MTUS2: variants seen among roughly 807,000 people sequenced by gnomAD.
The protein encoded by MTUS2 is microtubule associated scaffold protein 2, also known as microtubule-associated tumor suppressor candidate 2.
MTUS2 carries 40 observed loss-of-function variants against 114.1 expected under a neutral mutation model. The ratio of observed to expected loss-of-function variants is 0.35; its 90% CI spans 0.27 to 0.46. The LOEUF (loss-of-function observed/expected upper bound fraction) is 0.46. Among genes scored for constraint, MTUS2 ranks in the 20% least tolerant of loss-of-function variants. MTUS2 has a pLI of 1.00. For synonymous variants in MTUS2, 688 were observed against 672.0 expected (o/e 1.02, Z -0.37); for missense variants, 1,679 against 1,705.4 (o/e 0.98, Z 0.27).
intron 5 of MTUS2, among the ~76,000 whole-genome samples, chr13:29,254,259 C>T (rs1897223168): frequency 6.6e-6 from 1 of 152,166 alleles, no homozygotes; most frequent in Non-Finnish European, 1.5e-5. Context: ...TGTCCTGAGG[C>T]ACAGAGGATG....
intron 2 of MTUS2, among the ~76,000 whole-genome samples, chr13:28,956,588 A>T (rs565179920): frequency 6.6e-6 from 1 of 152,328 alleles, no homozygotes; most frequent in South Asian, 2.1e-4. Context: ...GCTACTGGGT[A>T]AAGACCATAC....
At chr13:29,419,536 C>T (rs1875926404) in intron 8 of MTUS2, among the ~76,000 whole-genome samples, 1 of 152,134 alleles carries the variant, frequency 6.6e-6, no homozygotes, top group African/African-American at 2.4e-5. Context: ...GAATCCATGT[C>T]CTCAGTTTCA....
At chr13:29,407,489 T>TATTTATTTA (rs1555274945) in intron 8 of MTUS2, among the ~76,000 whole-genome samples, 50 of 142,988 alleles carry the variant, frequency 3.5e-4, no homozygotes, top group Middle Eastern at 3.6e-3. Context: ...TTTATTTATT[T>TATTTATTTA]ATTTTGAGAT....
chr13:29,490,384 A>C (rs940539798), intron 11 of MTUS2, among the ~76,000 whole-genome samples: 7 of 152,222 alleles, frequency 4.6e-5, no homozygotes, highest in African/African-American at 1.7e-4. Flanking sequence ...CATATGATGC[A>C]GGCCGATTAA....
chr13:28,903,946 T>C (rs962885023), intron 2 of MTUS2, among the ~76,000 whole-genome samples: 3 of 152,184 alleles, frequency 2.0e-5, no homozygotes, highest in Non-Finnish European at 2.9e-5. Context: ...TTTTTAATGA[T>C]CACCATTCTA....
rs1883205411 is a variant in MTUS2, at chr13:29,505,843, T to G, written c.*2637T>G. On this transcript the variant is annotated 3_prime_UTR_variant, in exon 16 of 16. Transcript: ENST00000612955. The stretch of plus-strand genomic sequence containing the variant: ...GGGTGGGGGCAGCCCTGGCCGTGAT[T>G]AGTTGAATGAATGGGGTCACAACAT... 4.4e-6 allele frequency: 1 copy of G among 228,780 alleles called. No individual in the cohort carries two copies. The highest frequency in any genetic ancestry group is 5.7e-5 in the Admixed American group (1 of 17,618). 14.2% of individuals were successfully genotyped at this position (228,780 alleles called of 1,614,324 possible). A position where few individuals can be genotyped will look rare whatever the true frequency, so the allele number is the denominator to read the frequency against.
At chr13:29,370,510 A>G (rs966591668) in intron 8 of MTUS2, among the ~76,000 whole-genome samples, 7 of 152,200 alleles carry the variant, frequency 4.6e-5, no homozygotes, top group African/African-American at 1.7e-4. Context: ...CTACACCCTC[A>G]TTAAGGGATT....
At chr13:29,274,910 T>G (rs1311573226) in intron 5 of MTUS2, among the ~76,000 whole-genome samples, 2 of 152,094 alleles carry the variant, frequency 1.3e-5, no homozygotes, top group African/African-American at 4.8e-5. Flanking sequence ...TTTTTTTAAA[T>G]TTTTTGTAGA....
intron 7 of MTUS2, among the ~76,000 whole-genome samples, chr13:29,346,859 C>T (rs1275907691): frequency 6.7e-6 from 1 of 149,384 alleles, no homozygotes; most frequent in Admixed American, 6.7e-5. Flanking sequence ...CTTCCCCTAC[C>T]CCTATATTTT....
intron 7 of MTUS2, among the ~76,000 whole-genome samples, chr13:29,334,069 C>T (rs1356115743): frequency 6.6e-6 from 1 of 152,002 alleles, no homozygotes; most frequent in Non-Finnish European, 1.5e-5. Flanking sequence ...GTAAATATTC[C>T]TCCATCCCTG....
Position 29,424,303 on chromosome 13 carries a change from T to C in MTUS2, c.3118-15680T>C, listed in dbSNP as rs543385722. Among the ~76,000 whole-genome samples the C allele has an allele frequency of 2.0e-5, 3 of 152,362 alleles. No homozygotes were observed. The East Asian group carries it at 5.8e-4, about 29-fold the overall frequency. On this transcript the variant is annotated intron_variant, in intron 8 of 15. Transcript: ENST00000612955. ...TTGATTACTACATATTGTATGCATG[T>C]ATCAAAATATAACGTACCCCATAAA...
rs571909613 is a variant in MTUS2 at position 28,973,954 on chromosome 13, C to G, written c.-242-50503C>G. On this transcript the variant is annotated intron_variant, in intron 2 of 15. Transcript: ENST00000612955. ...TGAAAATGTAGGTGCCTTCAGCAGCCTGTGTTTTTATGTAAGTGAGTAAAG... is the reference window on the plus strand; with the variant it reads ...TGAAAATGTAGGTGCCTTCAGCAGCGTGTGTTTTTATGTAAGTGAGTAAAG... Among the ~76,000 whole-genome samples the G allele has an allele frequency of 6.6e-5, 10 of 152,296 alleles. No homozygotes were observed. The South Asian group carries it at 1.9e-3, about 28-fold the overall frequency.
chr13:28,941,640 A>G (rs919046663), intron 2 of MTUS2, among the ~76,000 whole-genome samples: 7 of 152,110 alleles, frequency 4.6e-5, no homozygotes, highest in Non-Finnish European at 1.0e-4. Context: ...GACGTATATG[A>G]AGAAAATTAG....
Position 29,434,854 on chromosome 13 carries a change from T to C in MTUS2, c.3118-5129T>C, listed in dbSNP as rs1391809586. Among the ~76,000 whole-genome samples, 3 of 152,220 alleles carry C rather than the reference T, an allele frequency of 2.0e-5. No homozygotes were observed. The East Asian group carries it at 5.8e-4, about 29-fold the overall frequency. On this transcript the variant is annotated intron_variant, in intron 8 of 15. Coordinates refer to ENST00000612955, the MANE Select transcript of MTUS2 (RefSeq NM_001033602.4). ...TGGGATGATTAGTGGGTTGTCTGCT[T>C]TGCAAGGCTGCTCTAGCAAGGAAAA...
intron 2 of MTUS2, among the ~76,000 whole-genome samples, chr13:28,957,042 AG>A (rs1883106067): frequency 6.6e-6 from 1 of 152,180 alleles, no homozygotes. Context: ...CTAGAGAAAG[AG>A]CAATGCTTTC....
At chr13:29,055,203 A>G (rs963222443) in intron 4 of MTUS2, among the ~76,000 whole-genome samples, 34 of 152,206 alleles carry the variant, frequency 2.2e-4, no homozygotes, top group African/African-American at 7.9e-4. Flanking sequence ...TCACATTTTA[A>G]AGCTCTATTA....
At chr13:28,949,986 G>A (rs1191546898) in intron 2 of MTUS2, among the ~76,000 whole-genome samples, 2 of 152,168 alleles carry the variant, frequency 1.3e-5, no homozygotes, top group Non-Finnish European at 2.9e-5. Context: ...GGGAATTTCT[G>A]GATCATGCAG....
intron 9 of MTUS2, among the ~76,000 whole-genome samples, chr13:29,477,311 TTTATA>T (rs1258024459): frequency 1.3e-5 from 2 of 152,234 alleles, no homozygotes; most frequent in African/African-American, 4.8e-5. Context: ...TAAACCTATC[TTTATA>T]TATCTACCTC....
At chr13:28,890,338 T>C (rs1176079808) in intron 2 of MTUS2, among the ~76,000 whole-genome samples, 1 of 152,190 alleles carries the variant, frequency 6.6e-6, no homozygotes, top group Non-Finnish European at 1.5e-5. Context: ...CTTAGCCTCA[T>C]CTGAAGCATA....
Sources: allele counts gnomAD v4.1 joint callset (sites outside exome capture counted in the v4.1 genomes callset), GRCh38; gene constraint gnomAD v4.1.1; transcripts MANE v1.5; gene names NCBI Gene and HGNC (gene_info 2026-07-23, HGNC 2026-07-21).